The following MEIOB variants were observed in gnomAD, a reference collection of about 807,000 sequenced individuals.
The protein encoded by MEIOB is meiosis specific with OB-fold, also known as meiosis-specific with OB domain-containing protein.
In MEIOB, 50 loss-of-function variants were observed where a neutral mutation model predicts 53.1. The observed-to-expected ratio is 0.94, with a 90% CI of 0.75 to 1.19. The LOEUF (loss-of-function observed/expected upper bound fraction) is 1.19, where lower values mean the gene tolerates loss of function less well. Among genes scored for constraint, MEIOB ranks in the 50% most tolerant of loss-of-function variants. The pLI is 0.00. For missense variants in MEIOB, 551 were observed against 550.8 expected (o/e 1.00, Z 0.00); for synonymous variants, 192 against 182.5 (o/e 1.05, Z -0.42).
intron 9 of MEIOB, 88 bp from the exon 10 acceptor site, chr16:1,845,051 A>G: frequency 1.6e-6 from 1 of 640,102 alleles, no homozygotes; most frequent in South Asian, 1.9e-5. Context: ...TTAATAGTAA[A>G]AAGTGAAGAC....
intron 6 of MEIOB, among the ~76,000 whole-genome samples, chr16:1,857,145 C>T (rs1270463666): frequency 7.2e-5 from 11 of 152,234 alleles, no homozygotes; most frequent in Admixed American, 7.2e-4. Context: ...GTCTGTCCAA[C>T]TACAGAGCTC....
chr16:1,861,938 G>A, intron 4 of MEIOB, 47 bp downstream of exon 4: 1 of 1,519,538 alleles, frequency 6.6e-7, no homozygotes, highest in Non-Finnish European at 8.9e-7. Context: ...ACATACCACA[G>A]GAATAACACT....
intron 4 of MEIOB, among the ~76,000 whole-genome samples, chr16:1,861,669 A>G (rs576636918): frequency 3.4e-5 from 5 of 148,088 alleles, no homozygotes; most frequent in Non-Finnish European, 5.9e-5. Flanking sequence ...CAGCCTCCTT[A>G]GTAGCTGGTA....
intron 10 of MEIOB, 139 bp from the exon 11 acceptor site, chr16:1,842,112 A>C (rs1418012352): frequency 2.1e-6 from 1 of 468,274 alleles, no homozygotes; most frequent in East Asian, 3.6e-5. Context: ...CTATATAAAC[A>C]CTGATTCTAT....
chr16:1,859,326 G>A (rs1899384448), intron 5 of MEIOB, among the ~76,000 whole-genome samples: 1 of 152,098 alleles, frequency 6.6e-6, no homozygotes, highest in South Asian at 2.1e-4. Flanking sequence ...CGGATCACTT[G>A]AGGTCAGGAG....
intron 9 of MEIOB, among the ~76,000 whole-genome samples, chr16:1,849,815 C>T (rs1235852609): frequency 1.3e-5 from 2 of 152,100 alleles, no homozygotes; most frequent in African/African-American, 4.8e-5. Flanking sequence ...CAACGTATGA[C>T]ATTCTTGAAA....
chr16:1,853,120 C>CA lies in MEIOB; in HGVS notation c.696_697insT (p.Asp233Ter). The CA allele has an allele frequency of 1.9e-6, 3 of 1,611,838 alleles. No homozygotes were observed. The highest frequency in any genetic ancestry group is 2.5e-6 in the Non-Finnish European group (3 of 1,178,460). ...AATTTGTCAAAATTTATTCTTACAT[C>CA]TGAGGCAAATATTACTGTTTGGGAA... On this transcript the variant is annotated frameshift_variant, in exon 9 of 14. Transcript: ENST00000325962. LOFTEE classifies it high-confidence loss of function.
At chr16:1,857,674 G>C in intron 6 of MEIOB, 61 bp downstream of exon 6, 1 of 1,349,826 alleles carries the variant, frequency 7.4e-7, no homozygotes, top group Non-Finnish European at 1.0e-6. Context: ...CCCAAACACA[G>C]ATCAAGTGAC....
At chr16:1,842,083 AG>A in intron 10 of MEIOB, 110 bp from the exon 11 acceptor site, 1 of 666,952 alleles carries the variant, frequency 1.5e-6, no homozygotes, top group Non-Finnish European at 2.2e-6. Context: ...CTTAAGTAAC[AG>A]AAAAATTACT....
chr16:1,837,925 A>G, intron 12 of MEIOB, 55 bp from the exon 13 acceptor site: 2 of 1,458,202 alleles, frequency 1.4e-6, no homozygotes, highest in Non-Finnish European at 1.8e-6. Context: ...AAGAAAATTC[A>G]TTTTTGACAA....
chr16:1,853,370 G>C (rs1899219044), intron 7 of MEIOB, 99 bp from the exon 8 acceptor site: 4 of 975,578 alleles, frequency 4.1e-6, no homozygotes, highest in South Asian at 1.5e-5. Context: ...TCAGTGGCTG[G>C]GGTCAGCCAT....
chr16:1,859,327 A>T (rs1899384514), intron 5 of MEIOB, among the ~76,000 whole-genome samples: 1 of 152,122 alleles, frequency 6.6e-6, no homozygotes, highest in African/African-American at 2.4e-5. Context: ...GGATCACTTG[A>T]GGTCAGGAGT....
chr16:1,837,615 A>G, intron 13 of MEIOB, 169 bp downstream of exon 13: 2 of 472,418 alleles, frequency 4.2e-6, no homozygotes, highest in Non-Finnish European at 3.8e-6. Flanking sequence ...ACAATATGAA[A>G]AAACCCCTGG....
intron 11 of MEIOB, chr16:1,839,820 C>A (rs3848346): frequency 0.13 from 21,038 of 158,074 alleles, 1,849 homozygotes; most frequent in South Asian, 0.2. Context: ...TGCATCAGCT[C>A]CTTATTCTCA....
At chr16:1,855,731 C>T (rs1899283442) in intron 6 of MEIOB, among the ~76,000 whole-genome samples, 1 of 152,158 alleles carries the variant, frequency 6.6e-6, no homozygotes, top group South Asian at 2.1e-4. Context: ...TACAAAGTGA[C>T]TTCTCCTGTT....
At chr16:1,842,051 G>C in intron 10 of MEIOB, 78 bp from the exon 11 acceptor site, 1 of 1,015,756 alleles carries the variant, frequency 9.8e-7, no homozygotes, top group Non-Finnish European at 1.3e-6. Flanking sequence ...GGAAAGCTAT[G>C]ACAAATGAGA....
At chr16:1,848,689 C>A (rs1210775097) in intron 9 of MEIOB, among the ~76,000 whole-genome samples, 1 of 151,870 alleles carries the variant, frequency 6.6e-6, no homozygotes, top group African/African-American at 2.4e-5. Flanking sequence ...ACTATAGGCA[C>A]CATACCACCA....
In MEIOB at chr16:1,842,623, C is replaced by CAAAAAAAAAAAAAAAAAAAAAAA. The variant is rs202147878; in HGVS notation, c.881-651_881-650insTTTTTTTTTTTTTTTTTTTTTTT. ...GGGCAACAAGAGCAAAACTCCATCT[C>CAAAAAAAAAAAAAAAAAAAAAAA]AAAAAGACAGTGACTCGATTTTTTT... is the stretch of plus-strand genomic sequence containing the variant. On this transcript the variant is annotated intron_variant, in intron 10 of 13. Coordinates refer to ENST00000325962, the MANE Select transcript of MEIOB (RefSeq NM_001163560.3). Among the ~76,000 whole-genome samples, 36 of 97,750 alleles carry CAAAAAAAAAAAAAAAAAAAAAAA rather than the reference C, an allele frequency of 3.7e-4. 3 individuals are homozygous for CAAAAAAAAAAAAAAAAAAAAAAA. The highest frequency in any genetic ancestry group is 1.6e-3 in the East Asian group (4 of 2,494). 64.1% of individuals were successfully genotyped at this position (97,750 alleles called of 152,430 possible).
intron 9 of MEIOB, among the ~76,000 whole-genome samples, chr16:1,848,541 TTCC>T (rs1899078686): frequency 7.1e-6 from 1 of 140,278 alleles, no homozygotes; most frequent in African/African-American, 2.6e-5. Flanking sequence ...TTTTTTTTTT[TTCC>T]TTTTTTTTTT....
Sources: gnomAD v4.1 joint callset for allele counts (sites outside exome capture counted in the v4.1 genomes callset) on GRCh38, gnomAD v4.1.1 for gene constraint, MANE v1.5 for transcripts, NCBI Gene and HGNC (gene_info 2026-07-23, HGNC 2026-07-21) for gene names.